Variants in LIMD1 observed in about 807,000 individuals in gnomAD.
LIMD1 encodes the protein LIM domain-containing protein 1.
A neutral mutation model predicts 58.4 loss-of-function variants in LIMD1; 23 were observed. The ratio of observed to expected loss-of-function variants is 0.39; its 90% CI spans 0.28 to 0.56. LIMD1 has a LOEUF of 0.56. Among genes scored for constraint, LIMD1 ranks in the 20% least tolerant of loss-of-function variants. The pLI is 0.57. For missense variants in LIMD1, 838 were observed against 855.5 expected (o/e 0.98, Z 0.25); for synonymous variants, 334 against 345.5 (o/e 0.97, Z 0.37).
chr3:45,658,214 C>T (rs1343101153), intron 2 of LIMD1, among the ~76,000 whole-genome samples: 7 of 152,094 alleles, frequency 4.6e-5, no homozygotes, highest in African/African-American at 1.4e-4. Flanking sequence ...CTTTCAAAAC[C>T]GAAGTGAAAA....
At chr3:45,631,872 C>G (rs1413034536) in intron 1 of LIMD1, among the ~76,000 whole-genome samples, 2 of 152,224 alleles carry the variant, frequency 1.3e-5, no homozygotes, top group African/African-American at 4.8e-5. Flanking sequence ...CTTCTGCCGT[C>G]TGGGCCAGCA....
intron 1 of LIMD1, among the ~76,000 whole-genome samples, chr3:45,630,474 G>T (rs1701716493): frequency 6.6e-6 from 1 of 152,218 alleles, no homozygotes; most frequent in Non-Finnish European, 1.5e-5. Context: ...AGGGCAATCA[G>T]AAGGCACGCA....
At chr3:45,659,093 TTCTC>T (rs919657000) in intron 2 of LIMD1, among the ~76,000 whole-genome samples, 15 of 152,316 alleles carry the variant, frequency 9.8e-5, no homozygotes, top group African/African-American at 3.4e-4. Context: ...AAAGTGAAAT[TTCTC>T]TCTAATACCA....
chr3:45,616,946 G>A (rs1259485481), intron 1 of LIMD1, among the ~76,000 whole-genome samples: 1 of 151,866 alleles, frequency 6.6e-6, no homozygotes, highest in Non-Finnish European at 1.5e-5. Flanking sequence ...TGTTGGCTAG[G>A]CTGGTCTCGA....
intron 1 of LIMD1, among the ~76,000 whole-genome samples, chr3:45,612,291 C>T (rs916946139): frequency 6.6e-6 from 1 of 151,970 alleles, no homozygotes; most frequent in Non-Finnish European, 1.5e-5. Context: ...GCTGTCTTGC[C>T]CAGGCTGGTC....
At chr3:45,660,071 C>T (rs963237889) in intron 2 of LIMD1, among the ~76,000 whole-genome samples, 4 of 152,214 alleles carry the variant, frequency 2.6e-5, no homozygotes, top group South Asian at 4.1e-4. Context: ...TTACACAAAA[C>T]GTTGATTTCC....
In LIMD1 at chr3:45,683,293, A is replaced by C. The variant is rs1263791118; in HGVS notation, c.*6234A>C. On this transcript the variant is annotated 3_prime_UTR_variant, in exon 8 of 8. Coordinates refer to ENST00000273317, the MANE Select transcript of LIMD1 (RefSeq NM_014240.3). ...CTGGAGGCATGGAATTGGCTTCCTA[A>C]GGCCAATTCAGGCTGACTTCCTAGA... 1.3e-5 allele frequency: 2 copies of C among 152,338 alleles called. No individual in the cohort carries two copies. The highest frequency in any genetic ancestry group is 3.9e-4 in the East Asian group (2 of 5,190). The allele number at this position is 152,338 out of a possible 1,614,324, so 9.4% of individuals were successfully genotyped here.
rs1182524392 is a variant in LIMD1 at position 45,636,321 on chromosome 3, G to T, written c.1510+70G>T. The T allele has an allele frequency of 7.6e-6, 9 of 1,177,594 alleles. No individual in the cohort carries two copies. In the Admixed American group the frequency reaches 2.1e-4, roughly 28 times the overall value. 72.9% of individuals were successfully genotyped at this position (1,177,594 alleles called of 1,614,324 possible). ...AACATGGGAACCGAGAAAGGGAGGA[G>T]AGAGATCATCTTTCTGGAGACGGTT... On this transcript the variant is annotated intron_variant, in intron 2 of 7. Transcript: ENST00000273317.
At chr3:45,631,811 G>A (rs1256243576) in intron 1 of LIMD1, among the ~76,000 whole-genome samples, 1 of 152,188 alleles carries the variant, frequency 6.6e-6, no homozygotes, top group Non-Finnish European at 1.5e-5. Context: ...ATGAACAGGG[G>A]TAGGAGAGGG....
rs1262242203 is a variant in LIMD1 at position 45,677,129 on chromosome 3, C to T, written c.*70C>T. 1.1e-5 allele frequency: 18 copies of T among 1,566,038 alleles called. No individual in the cohort carries two copies. The highest frequency in any genetic ancestry group is 1.5e-5 in the Non-Finnish European group (17 of 1,151,180). On this transcript the variant is annotated 3_prime_UTR_variant, in exon 8 of 8. Transcript: ENST00000273317. ...GTTGCTGCTGCTGCTTCCGGTGGCC[C>T]CTGGGGTGGAAGTGGGGTAGGGGAA...
At chr3:45,613,705 C>T (rs1210437615) in intron 1 of LIMD1, among the ~76,000 whole-genome samples, 2 of 145,174 alleles carry the variant, frequency 1.4e-5, no homozygotes, top group Non-Finnish European at 3.0e-5. Flanking sequence ...GCTATGTTGT[C>T]CAGGTTGGTT....
intron 2 of LIMD1, among the ~76,000 whole-genome samples, chr3:45,646,480 C>A (rs545715856): frequency 4.6e-5 from 7 of 152,352 alleles, no homozygotes; most frequent in African/African-American, 1.7e-4. Flanking sequence ...GTCCTCTGGC[C>A]TCTCTCTGAC....
At chr3:45,630,162 TC>T (rs11316870) in intron 1 of LIMD1, among the ~76,000 whole-genome samples, 101,708 of 151,952 alleles carry the variant, frequency 0.67, 34,815 homozygotes, top group East Asian at 0.81. Flanking sequence ...ATTTTTTCTT[TC>T]CTCTGTTGGG....
intron 1 of LIMD1, among the ~76,000 whole-genome samples, chr3:45,619,828 G>C (rs7427038): frequency 0.059 from 5,040 of 86,152 alleles, 1 homozygote; most frequent in Non-Finnish European, 0.07. Flanking sequence ...CCAACCCCCC[G>C]CCCCCCCCCC....
At chr3:45,629,869 A>G (rs1301003238) in intron 1 of LIMD1, among the ~76,000 whole-genome samples, 2 of 152,224 alleles carry the variant, frequency 1.3e-5, no homozygotes, top group African/African-American at 4.8e-5. Context: ...CCACACTCCC[A>G]TTGCACACCC....
At chr3:45,649,796 C>G (rs1196261193) in intron 2 of LIMD1, among the ~76,000 whole-genome samples, 1 of 130,960 alleles carries the variant, frequency 7.6e-6, no homozygotes, top group East Asian at 2.2e-4. Context: ...ATATATATTG[C>G]TGGATATAGA....
chr3:45,595,877 C>T lies in LIMD1; in HGVS notation c.998C>T (p.Pro333Leu), dbSNP rs1471102972. The T allele has an allele frequency of 1.2e-5, 19 of 1,614,098 alleles. No individual in the cohort carries two copies. The highest frequency in any genetic ancestry group is 1.5e-5 in the Non-Finnish European group (18 of 1,180,032). ...SGVMSKPNVD[P>L]QPWFQDGPKS... ...GTGATGTCCAAACCCAATGTGGACC[C>T]CCAACCCTGGTTCCAGGATGGGCCC... The change falls in exon 1 of 8, where the codon CCC becomes CTC. Residue 333 changes from proline (P) to leucine (L), a missense_variant. Pro to Leu is a moderately conservative substitution (Grantham distance 98). Around this residue, in one of 3 missense-constraint regions of LIMD1, gnomAD observed 659 missense variants for 639.8 expected, o/e 1.03. Transcript: ENST00000273317.
intron 2 of LIMD1, among the ~76,000 whole-genome samples, chr3:45,640,379 TCTC>T (rs900146662): frequency 3.3e-5 from 5 of 152,138 alleles, no homozygotes; most frequent in African/African-American, 9.7e-5. Context: ...GGAAGAGACT[TCTC>T]CTGAATTTGG....
chr3:45,615,072 A>T lies in LIMD1; in HGVS notation c.1408+18785A>T, dbSNP rs143267123. ...TGGGGTCTGAAAACTAAATTGACATAGGTAAATAGAAGAGCATACACATTT... is the reference window on the plus strand; with the variant it reads ...TGGGGTCTGAAAACTAAATTGACATTGGTAAATAGAAGAGCATACACATTT... On this transcript the variant is annotated intron_variant, in intron 1 of 7. Transcript: ENST00000273317. 7.7e-4 allele frequency among the ~76,000 whole-genome samples: 117 copies of T among 152,304 alleles called. 1 individual carries two copies. Among genetic ancestry groups the T allele is most frequent in the African/African-American group, 2.7e-3 (113 of 41,558 alleles).
Sources: allele counts gnomAD v4.1 joint callset (sites outside exome capture counted in the v4.1 genomes callset), GRCh38; gene constraint gnomAD v4.1.1; regional missense constraint gnomAD v4.1.1; transcripts MANE v1.5; gene names NCBI Gene and HGNC (gene_info 2026-07-23, HGNC 2026-07-21).